HOOK1: variants seen among roughly 807,000 people sequenced by gnomAD.
HOOK1 encodes the protein protein Hook homolog 1.
A neutral mutation model predicts 112.8 loss-of-function variants in HOOK1; 60 were observed. The ratio of observed to expected loss-of-function variants is 0.53; its 90% CI spans 0.43 to 0.66. HOOK1 has a LOEUF of 0.66. HOOK1 is among the 30% of genes least tolerant of loss of function. HOOK1 has a pLI of 0.00. For synonymous variants in HOOK1, 294 were observed against 283.8 expected (o/e 1.04, Z -0.36); for missense variants, 770 against 856.0 (o/e 0.90, Z 1.25).
intron 1 of HOOK1, among the ~76,000 whole-genome samples, chr1:59,816,639 A>G (rs182428753): frequency 2.6e-5 from 4 of 152,318 alleles, no homozygotes; most frequent in Admixed American, 2.6e-4. Flanking sequence ...TTTAACCAGA[A>G]TTTATTGACT....
At chr1:59,833,620 A>G (rs1445422744) in intron 5 of HOOK1, 83 bp downstream of exon 5, 4 of 1,167,938 alleles carry the variant, frequency 3.4e-6, no homozygotes, top group African/African-American at 1.6e-5. Context: ...AAATCATACT[A>G]TTAAAGCTTG....
intron 18 of HOOK1, 30 bp from the exon 19 acceptor site, chr1:59,865,840 CTG>C (rs753417691): frequency 9.5e-7 from 1 of 1,056,546 alleles, no homozygotes; most frequent in East Asian, 2.7e-5. Flanking sequence ...ATATTAATAA[CTG>C]ATTATGCTTC....
chr1:59,831,487 C>T (rs184757824), intron 3 of HOOK1, among the ~76,000 whole-genome samples: 4 of 152,276 alleles, frequency 2.6e-5, no homozygotes, highest in Admixed American at 1.3e-4. Context: ...TTCAGTTTCA[C>T]CCATCCACAT....
Position 59,848,476 on chromosome 1 carries a change from C to T in HOOK1, c.1091C>T (p.Ala364Val), listed in dbSNP as rs762474662. 4.3e-6 allele frequency: 7 copies of T among 1,609,720 alleles called. No individual in the cohort carries two copies. In the South Asian group the frequency reaches 7.7e-5, roughly 18 times the overall value. The stretch of plus-strand genomic sequence containing the variant: ...AGCTTAGAAGAAGAATTAAAAAAAG[C>T]AAATGCAGCACGTACACAATTAGAA... ...TVSLEEELKK[A>V]NAARTQLETY... is the part of the protein sequence containing the mutation. Residue 364 changes from alanine to valine, a missense_variant, in exon 11 of 22, where the codon GCA becomes GTA. Ala to Val is a moderately conservative substitution (Grantham distance 64, BLOSUM62 0). Transcript: ENST00000371208.
intron 8 of HOOK1, among the ~76,000 whole-genome samples, chr1:59,843,102 C>A (rs576366663): frequency 6.6e-6 from 1 of 151,840 alleles, no homozygotes; most frequent in Non-Finnish European, 1.5e-5. Flanking sequence ...AAAGAGGAGA[C>A]AAATTAATTT....
chr1:59,868,818 T>C (rs1323412293), intron 20 of HOOK1, among the ~76,000 whole-genome samples: 1 of 152,200 alleles, frequency 6.6e-6, no homozygotes, highest in African/African-American at 2.4e-5. Context: ...ACTCACAGAA[T>C]TCCAGTGAAC....
intron 12 of HOOK1, among the ~76,000 whole-genome samples, chr1:59,853,858 A>G (rs903577604): frequency 6.6e-6 from 1 of 151,140 alleles, no homozygotes; most frequent in Non-Finnish European, 1.5e-5. Context: ...ACTCCAAAAT[A>G]AAAACTTTTC....
At chr1:59,850,515 T>A (rs1264498497) in intron 12 of HOOK1, among the ~76,000 whole-genome samples, 1 of 151,572 alleles carries the variant, frequency 6.6e-6, no homozygotes, top group Non-Finnish European at 1.5e-5. Flanking sequence ...CTCATATATT[T>A]AGTCTGTGAT....
At chr1:59,870,874 G>T (rs1291842848) in intron 20 of HOOK1, 168 bp from the exon 21 acceptor site, 4 of 555,812 alleles carry the variant, frequency 7.2e-6, no homozygotes, top group Non-Finnish European at 1.3e-5. Flanking sequence ...TCCTAAAGGT[G>T]TTGGGCATGC....
At chr1:59,852,201 G>A (rs11582693) in intron 12 of HOOK1, among the ~76,000 whole-genome samples, 1 of 151,602 alleles carries the variant, frequency 6.6e-6, no homozygotes, top group Non-Finnish European at 1.5e-5. Flanking sequence ...GCTTTTTTAC[G>A]TTTTGGGAAA....
intron 9 of HOOK1, among the ~76,000 whole-genome samples, chr1:59,846,512 TCTTC>T (rs1294359539): frequency 2.8e-5 from 4 of 143,494 alleles, no homozygotes; most frequent in African/African-American, 7.7e-5. Flanking sequence ...TCCCTCCCTT[TCTTC>T]CTTCCTTCCT....
At chr1:59,859,084 A>G in intron 14 of HOOK1, 39 bp downstream of exon 14, 10 of 1,015,060 alleles carry the variant, frequency 9.9e-6, no homozygotes, top group Non-Finnish European at 1.1e-5. Flanking sequence ...TATATTTAAT[A>G]TTATAATTTT....
intron 1 of HOOK1, among the ~76,000 whole-genome samples, chr1:59,816,779 C>A (rs770356984): frequency 6.6e-6 from 1 of 152,194 alleles, no homozygotes; most frequent in African/African-American, 2.4e-5. Flanking sequence ...TCACAGATAA[C>A]AGAGTAAAAT....
chr1:59,827,672 TA>T (rs1008266829), intron 2 of HOOK1, among the ~76,000 whole-genome samples: 6 of 151,900 alleles, frequency 3.9e-5, no homozygotes, highest in African/African-American at 1.2e-4. Context: ...TGATTATGAA[TA>T]AAAAATAAAA....
At chr1:59,863,382 A>G (rs1038491004) in intron 16 of HOOK1, among the ~76,000 whole-genome samples, 1 of 152,166 alleles carries the variant, frequency 6.6e-6, no homozygotes, top group Non-Finnish European at 1.5e-5. Context: ...AGAAACTTTA[A>G]TGCAGCCTTG....
intron 9 of HOOK1, among the ~76,000 whole-genome samples, chr1:59,843,904 C>T (rs918211435): frequency 4.6e-5 from 7 of 151,972 alleles, no homozygotes; most frequent in South Asian, 4.2e-4. Context: ...CAAGGAGTTT[C>T]TCAAATAAGA....
Position 59,873,009 on chromosome 1 carries a change from G to A in HOOK1, c.*44G>A. 1 of 1,353,122 alleles carries A rather than the reference G, an allele frequency of 7.4e-7. No homozygotes were observed. The highest frequency in any genetic ancestry group is 9.7e-7 in the Non-Finnish European group (1 of 1,028,598). The allele number at this position is 1,353,122 out of a possible 1,614,324, so 83.8% of individuals were successfully genotyped here. A position where few individuals can be genotyped will look rare whatever the true frequency, so the allele number is the denominator to read the frequency against. On this transcript the variant is annotated 3_prime_UTR_variant, in exon 22 of 22. Transcript: ENST00000371208. Reference sequence around the variant, plus strand: ...CAAAACAAAAAAACCACATAAAATAGAAGTGTCCTTAAAATATTTTGTACC... The same window carrying A: ...CAAAACAAAAAAACCACATAAAATAAAAGTGTCCTTAAAATATTTTGTACC...
chr1:59,821,746 C>A, intron 1 of HOOK1, 112 bp from the exon 2 acceptor site: 1 of 703,806 alleles, frequency 1.4e-6, no homozygotes, highest in Non-Finnish European at 2.3e-6. Context: ...AAAACAGGAC[C>A]ATGTTTTTTT....
At chr1:59,831,912 T>C (rs4262575) in intron 3 of HOOK1, among the ~76,000 whole-genome samples, 29,904 of 152,160 alleles carry the variant, frequency 0.2, 4,034 homozygotes, top group African/African-American at 0.39. Context: ...TGGACATGCC[T>C]GTGTATAAAT....
Sources: gnomAD v4.1 joint callset for allele counts (sites outside exome capture counted in the v4.1 genomes callset) on GRCh38, gnomAD v4.1.1 for gene constraint, MANE v1.5 for transcripts, NCBI Gene and HGNC (gene_info 2026-07-23, HGNC 2026-07-21) for gene names.